Variants in CCDC181 observed in about 807,000 individuals in gnomAD.
CCDC181 encodes the protein coiled-coil domain-containing protein 181.
In CCDC181, 35 loss-of-function variants were observed where a neutral mutation model predicts 58.7. The ratio of observed to expected loss-of-function variants is 0.60; its 90% CI spans 0.46 to 0.79. CCDC181 has a LOEUF of 0.79. Among genes scored for constraint, CCDC181 ranks in the 30% least tolerant of loss-of-function variants. The probability of loss-of-function intolerance (pLI) is 0.00; values close to 1 mark genes in which losing one functional copy is unlikely to be tolerated. For missense variants in CCDC181, 517 were observed against 583.9 expected, an observed-to-expected ratio of 0.89 and a Z score of 1.18; for synonymous variants, 183 against 197.5, an observed-to-expected ratio of 0.93 and a Z score of 0.62.
intron 2 of CCDC181, among the ~76,000 whole-genome samples, chr1:169,423,693 C>T (rs1446908668): frequency 6.6e-6 from 1 of 151,924 alleles, no homozygotes; most frequent in Non-Finnish European, 1.5e-5. Context: ...TAAATCATCC[C>T]TATTACCTCT....
chr1:169,421,419 G>T lies in CCDC181; in HGVS notation c.1012C>A (p.Arg338=). ...AGTTGTTTTTGTAGTTCTTTCTGTC[G>T]AGGGGAAAGACAGTATGTTGAAGTC... ...PVTSTYCLSP[R]QKELQKQLEE... is the part of the protein sequence containing the mutation. The change falls in exon 3 of 6, where the codon CGA becomes AGA. Residue 338 remains arginine (R), a synonymous_variant. Transcript: ENST00000367806. 1 of 1,613,080 alleles carries T rather than the reference G, an allele frequency of 6.2e-7. No homozygotes were observed. The highest frequency in any genetic ancestry group is 8.5e-7 in the Non-Finnish European group (1 of 1,179,784).
Position 169,397,469 on chromosome 1 carries a change from A to G in CCDC181, c.1216-78T>C, listed in dbSNP as rs566691982. On this transcript the variant is annotated intron_variant, in intron 4 of 5. Coordinates refer to ENST00000367806, the MANE Select transcript of CCDC181 (RefSeq NM_001300969.2). ...GAAGCCCTGCTTATGGGATCCTACA[A>G]GAATATATTTCCTACTCTTCAATTT... 56 of 1,276,398 alleles carry G rather than the reference A, an allele frequency of 4.4e-5. 1 individual carries two copies. Among genetic ancestry groups the G allele is most frequent in the South Asian group, 4.3e-4 (26 of 60,326 alleles). 79.1% of individuals were successfully genotyped at this position (1,276,398 alleles called of 1,614,324 possible). A position where few individuals can be genotyped will look rare whatever the true frequency, so the allele number is the denominator to read the frequency against.
intron 2 of CCDC181, among the ~76,000 whole-genome samples, chr1:169,435,238 T>C (rs549772352): frequency 6.6e-6 from 1 of 152,176 alleles, no homozygotes; most frequent in East Asian, 1.9e-4. Context: ...GATCACATAT[T>C]GTATAATTCC....
intron 4 of CCDC181, among the ~76,000 whole-genome samples, chr1:169,401,043 A>G (rs1655315133): frequency 2.0e-5 from 3 of 152,182 alleles, no homozygotes; most frequent in Admixed American, 2.0e-4. Flanking sequence ...ACAGAGCCTC[A>G]CTCACTGCTA....
intron 4 of CCDC181, among the ~76,000 whole-genome samples, chr1:169,418,153 C>A (rs1656296980): frequency 6.6e-6 from 1 of 152,136 alleles, no homozygotes; most frequent in Admixed American, 6.5e-5. Flanking sequence ...TTAAATTCAC[C>A]TCTGAAGAAC....
rs1460601135 is a variant in CCDC181, at chr1:169,421,730, G to T, written c.701C>A (p.Ala234Asp). Residue 234 changes from alanine (A) to aspartate (D), a missense_variant, in exon 3 of 6, where the codon GCC becomes GAC. Ala to Asp is a moderately radical substitution (Grantham distance 126, BLOSUM62 -2). Transcript: ENST00000367806. ...KFELLNLQDI[A>D]SQGFLPPINN... ...AATGGGAGGCAAAAACCCCTGACTG[G>T]CAATGTCTTGTAAATTCAGAAGTTC... is the stretch of plus-strand genomic sequence containing the variant. 6 of 1,613,848 alleles carry T rather than the reference G, an allele frequency of 3.7e-6. No individual in the cohort carries two copies. The highest frequency in any genetic ancestry group is 5.1e-6 in the Non-Finnish European group (6 of 1,179,992).
At position 169,419,018 on chromosome 1, in the gene CCDC181, T is replaced by G; in HGVS notation, c.1210A>C (p.Ser404Arg). ...QRAKEIEDMN[S>R]RQENRDPQQA... ...TTCAGAGAAGTTTTACTTACTCTAC[T>G]GTTCATGTCTTCAATTTCCTTTGCT... is the stretch of plus-strand genomic sequence containing the variant. The change falls in exon 4 of 6, where the codon AGT becomes CGT. Residue 404 changes from serine to arginine, a missense_variant. By Grantham distance (110) the Ser-to-Arg change is moderately radical (BLOSUM62 -1). Coordinates refer to ENST00000367806, the MANE Select transcript of CCDC181 (RefSeq NM_001300969.2). 6.2e-7 allele frequency: 1 copy of G among 1,612,296 alleles called. No individual in the cohort carries two copies. The highest frequency in any genetic ancestry group is 8.5e-7 in the Non-Finnish European group (1 of 1,178,866).
At chr1:169,460,371 C>A (rs537229664) in exon 1 of CCDC181, 3 of 152,362 alleles carry the variant, frequency 2.0e-5, no homozygotes, top group Admixed American at 1.3e-4. Flanking sequence ...GAGTTCGACT[C>A]CTCCTCCTGC....
At chr1:169,426,501 G>A (rs368478357) in intron 1 of CCDC181, among the ~76,000 whole-genome samples, 2 of 152,128 alleles carry the variant, frequency 1.3e-5, no homozygotes, top group South Asian at 4.1e-4. Context: ...CTTCCTCCCT[G>A]AGTGTCTGGT....
intron 4 of CCDC181, among the ~76,000 whole-genome samples, chr1:169,406,854 C>T (rs765165140): frequency 6.0e-5 from 9 of 151,134 alleles, no homozygotes; most frequent in Non-Finnish European, 1.2e-4. Context: ...ACAAACACAA[C>T]CTAAATTCCC....
At chr1:169,397,076 A>G (rs1655082455) in intron 5 of CCDC181, among the ~76,000 whole-genome samples, 161 bp downstream of exon 5, 1 of 150,956 alleles carries the variant, frequency 6.6e-6, no homozygotes, top group South Asian at 2.1e-4. Context: ...ATAGAGTTAA[A>G]GAATTATACA....
Position 169,394,892 on chromosome 1 carries a change from T to A in CCDC181, c.*155A>T. The A allele has an allele frequency of 3.2e-6, 2 of 616,424 alleles. No homozygotes were observed. The highest frequency in any genetic ancestry group is 3.8e-5 in the Admixed American group (1 of 26,526). 38.2% of individuals were successfully genotyped at this position (616,424 alleles called of 1,614,324 possible). A position where few individuals can be genotyped will look rare whatever the true frequency, so the allele number is the denominator to read the frequency against. On this transcript the variant is annotated 3_prime_UTR_variant, in exon 6 of 6. Transcript: ENST00000367806. Reference sequence around the variant, plus strand: ...ACATTACAACACTGTGAGAAAAAAATTTATTTTGTTCTAGTATTAAAAAAA... The same window carrying A: ...ACATTACAACACTGTGAGAAAAAAAATTATTTTGTTCTAGTATTAAAAAAA...
chr1:169,424,942 G>T lies in CCDC181; in HGVS notation c.-15C>A, dbSNP rs1272115772. 2.8e-6 allele frequency: 4 copies of T among 1,436,636 alleles called. No homozygotes were observed. The highest frequency in any genetic ancestry group is 3.9e-6 in the Non-Finnish European group (4 of 1,023,596). The allele number at this position is 1,436,636 out of a possible 1,614,324, so 89.0% of individuals were successfully genotyped here. A position where few individuals can be genotyped will look rare whatever the true frequency, so the allele number is the denominator to read the frequency against. On this transcript the variant is annotated 5_prime_UTR_variant, in exon 2 of 6. Transcript: ENST00000367806. The stretch of plus-strand genomic sequence containing the variant: ...TTTTCATTCATTTTCTGTTTGTGAA[G>T]GAAATATGCTGTAAGATTTTAAAAG...
At chr1:169,408,490 C>G (rs1328658535) in intron 4 of CCDC181, among the ~76,000 whole-genome samples, 1 of 152,222 alleles carries the variant, frequency 6.6e-6, no homozygotes, top group Admixed American at 6.5e-5. Context: ...TTCAATGTCC[C>G]TGCCTGCCAG....
rs1224211371 is a variant in CCDC181, at chr1:169,422,074, C to T, written c.357G>A (p.Glu119=). 1 of 1,613,764 alleles carries T rather than the reference C, an allele frequency of 6.2e-7. No individual in the cohort carries two copies. Residue 119 remains glutamate, a synonymous_variant, in exon 3 of 6, where the codon GAG becomes GAA. Transcript: ENST00000367806. ...LESQKDLEEE[E]DEEVRRYIME... is the part of the protein sequence containing the mutation. ...TAATATATCTCCTTACTTCCTCATC[C>T]TCTTCCTCCTCCAAGTCTTTCTGGC... is the stretch of plus-strand genomic sequence containing the variant.
At chr1:169,414,817 A>G (rs1471164974) in intron 4 of CCDC181, among the ~76,000 whole-genome samples, 1 of 152,238 alleles carries the variant, frequency 6.6e-6, no homozygotes, top group Non-Finnish European at 1.5e-5. Flanking sequence ...TTATTATAGC[A>G]ATGTATTAAT....
chr1:169,443,995 G>A (rs1208126329), intron 2 of CCDC181, among the ~76,000 whole-genome samples: 1 of 152,084 alleles, frequency 6.6e-6, no homozygotes, highest in Non-Finnish European at 1.5e-5. Flanking sequence ...ATTTGCCTGT[G>A]GTTAAATTTA....
At chr1:169,424,147 A>G (rs1282556223) in intron 2 of CCDC181, among the ~76,000 whole-genome samples, 1 of 151,920 alleles carries the variant, frequency 6.6e-6, no homozygotes, top group Non-Finnish European at 1.5e-5. Context: ...TATATGTTTT[A>G]CAGAAATACA....
At chr1:169,439,241 C>A (rs112392206) in intron 2 of CCDC181, among the ~76,000 whole-genome samples, 3 of 151,694 alleles carry the variant, frequency 2.0e-5, no homozygotes, top group African/African-American at 7.3e-5. Flanking sequence ...GTTTGCAGCT[C>A]CTAGGATACT....
Sources: allele counts gnomAD v4.1 joint callset (sites outside exome capture counted in the v4.1 genomes callset), GRCh38; gene constraint gnomAD v4.1.1; transcripts MANE v1.5; gene names NCBI Gene and HGNC (gene_info 2026-07-23, HGNC 2026-07-21).